PHRF1: variants seen among roughly 807,000 people sequenced by gnomAD.
PHRF1 encodes the protein PHD and ring finger domains 1.
In PHRF1, 53 loss-of-function variants were observed where a neutral mutation model predicts 128.9. The ratio of observed to expected loss-of-function variants is 0.41; its 90% CI spans 0.33 to 0.52. The LOEUF (loss-of-function observed/expected upper bound fraction) is 0.52. Among genes scored for constraint, PHRF1 ranks in the 20% least tolerant of loss-of-function variants. The pLI, the probability that PHRF1 is intolerant of heterozygous loss-of-function variation, is 0.21. For missense variants in PHRF1, 2,503 were observed against 2,284.5 expected (o/e 1.10, Z -1.95); for synonymous variants, 1,178 against 980.6 (o/e 1.20, Z -3.76).
intron 6 of PHRF1, among the ~76,000 whole-genome samples, chr11:593,515 G>A (rs1038725867): frequency 6.6e-5 from 10 of 152,240 alleles, no homozygotes. Context: ...GCTTTGACTC[G>A]TCCTTGAGCA....
rs374380394 is a variant in PHRF1 at position 608,729 on chromosome 11, G to A, written c.3273G>A (p.Ser1091=). The A allele has an allele frequency of 1.2e-5, 19 of 1,611,070 alleles. No individual in the cohort carries two copies. The highest frequency in any genetic ancestry group is 1.7e-4 in the Middle Eastern group (1 of 6,054). The change falls in exon 14 of 18, where the codon TCG becomes TCA. Residue 1091 remains serine (S), a synonymous_variant. Coordinates refer to ENST00000264555, the MANE Select transcript of PHRF1 (RefSeq NM_001286581.2). ...PWGHSRRTSR[S]RSGSPGSSSY... is the part of the protein sequence containing the mutation. ...GCCACAGCCGGAGGACGTCCCGGTC[G>A]CGGTCGGGGAGCCCTGGCAGCTCTT...
chr11:608,086 G>T lies in PHRF1; in HGVS notation c.2630G>T (p.Arg877Leu). Residue 877 changes from arginine (R) to leucine (L), a missense_variant, in exon 14 of 18, where the codon CGC becomes CTC. Transcript: ENST00000264555. ...AAGGCCCAGACGGTGCAGGCTGTGC[G>T]CTGCGTCACCTCCTACACGGTGGAG... ...SPKAQTVQAV[R>L]CVTSYTVESI... is the part of the protein sequence containing the mutation. 1 of 1,611,616 alleles carries T rather than the reference G, an allele frequency of 6.2e-7. No individual in the cohort carries two copies.
intron 10 of PHRF1, among the ~76,000 whole-genome samples, chr11:603,719 A>AT (rs1855773640): frequency 8.2e-6 from 1 of 122,370 alleles, no homozygotes; most frequent in African/African-American, 3.1e-5. Context: ...CTAAAACCAT[A>AT]TTTAAGTTTG....
At chr11:600,519 T>TAA (rs1855570237) in intron 9 of PHRF1, among the ~76,000 whole-genome samples, 1 of 134,860 alleles carries the variant, frequency 7.4e-6, no homozygotes, top group Admixed American at 7.5e-5. Flanking sequence ...TATATATATA[T>TAA]GGTTTATTTC....
chr11:598,180 C>G (rs1391945410), intron 8 of PHRF1, among the ~76,000 whole-genome samples, 193 bp from the exon 9 acceptor site: 1 of 152,208 alleles, frequency 6.6e-6, no homozygotes, highest in Non-Finnish European at 1.5e-5. Context: ...ACCCGCCTTG[C>G]CCCCGTGGGA....
At chr11:586,213 C>CT (rs1379254167) in intron 3 of PHRF1, among the ~76,000 whole-genome samples, 1 of 151,912 alleles carries the variant, frequency 6.6e-6, no homozygotes, top group Non-Finnish European at 1.5e-5. Flanking sequence ...AGGATGGTCT[C>CT]TATCTCCTGA....
Position 579,254 on chromosome 11 carries a change from C to CTCCCCGCAGCCCTGCTTT in PHRF1, c.-21-2233_-21-2232insGCAGCCCTGCTTTTCCCC, listed in dbSNP as rs1854068826. 3.3e-5 allele frequency among the ~76,000 whole-genome samples: 5 copies of CTCCCCGCAGCCCTGCTTT among 149,556 alleles called. No homozygotes were observed. The South Asian group carries it at 8.4e-4, about 25-fold the overall frequency. On this transcript the variant is annotated intron_variant, in intron 1 of 17. Transcript: ENST00000264555. ...CCTGCTCCTCCCCCCAGCCCTGCTC[C>CTCCCCGCAGCCCTGCTTT]TCCCCCCAGCCCTGCTCTGTTATCT... is the stretch of plus-strand genomic sequence containing the variant.
intron 10 of PHRF1, 144 bp downstream of exon 10, chr11:601,845 A>C (rs1163499866): frequency 9.1e-7 from 1 of 1,096,322 alleles, no homozygotes; most frequent in African/African-American, 1.6e-5. Context: ...GCTTTTCTGT[A>C]TTTACTCAGT....
At position 597,136 on chromosome 11, in the gene PHRF1, G is replaced by A; in HGVS notation, c.718+116G>A. Reference sequence around the variant, plus strand: ...GAGGACATCTAGGGCTGTCTCATGGGGGTTAGGGTTGGCTGCGGTGTCGGG... The same window carrying A: ...GAGGACATCTAGGGCTGTCTCATGGAGGTTAGGGTTGGCTGCGGTGTCGGG... On this transcript the variant is annotated intron_variant, in intron 7 of 17. Coordinates refer to ENST00000264555, the MANE Select transcript of PHRF1 (RefSeq NM_001286581.2). The surrounding 1 kb of genome is among the most constrained non-coding windows in gnomAD (Gnocchi z 6.5). 8 of 1,161,010 alleles carry A rather than the reference G, an allele frequency of 6.9e-6. No homozygotes were observed. The South Asian group carries it at 7.1e-5, about 10-fold the overall frequency. The allele number at this position is 1,161,010 out of a possible 1,614,324, so 71.9% of individuals were successfully genotyped here.
Position 611,742 on chromosome 11 carries a change from G to A in PHRF1, c.4915G>A (p.Gly1639Arg), listed in dbSNP as rs746564072. 22 of 1,611,752 alleles carry A rather than the reference G, an allele frequency of 1.4e-5. No homozygotes were observed. Among genetic ancestry groups the A allele is most frequent in the South Asian group, 3.3e-5 (3 of 90,986 alleles). The change falls in exon 18 of 18, where the codon GGG becomes AGG. Residue 1639 changes from glycine to arginine, a missense_variant. By Grantham distance (125) the Gly-to-Arg change is moderately radical. Coordinates refer to ENST00000264555, the MANE Select transcript of PHRF1 (RefSeq NM_001286581.2). Reference protein sequence around the residue: ...HMRRHKKPEAGEEPPTQGAEG With the variant: ...HMRRHKKPEAREEPPTQGAEG ...GCGCAGGCACAAGAAACCAGAGGCCGGGGAGGAGCCGCCCACGCAGGGGGC... is the reference window on the plus strand; with the variant it reads ...GCGCAGGCACAAGAAACCAGAGGCCAGGGAGGAGCCGCCCACGCAGGGGGC...
intron 4 of PHRF1, among the ~76,000 whole-genome samples, chr11:589,579 G>GA (rs1554904623): frequency 3.7e-3 from 89 of 23,792 alleles, no homozygotes; most frequent in East Asian, 0.037. Context: ...ACACTCGGGG[G>GA]GGCAGGAGGC....
intron 1 of PHRF1, among the ~76,000 whole-genome samples, chr11:578,680 C>G (rs1854030257): frequency 1.3e-5 from 2 of 152,200 alleles, no homozygotes; most frequent in Admixed American, 1.3e-4. Context: ...ATCTTTGCAC[C>G]TCAGACTCCC....
chr11:608,305 G>A lies in PHRF1; in HGVS notation c.2849G>A (p.Ser950Asn), dbSNP rs751101756. The change falls in exon 14 of 18, where the codon AGC becomes AAC. Residue 950 changes from serine to asparagine, a missense_variant. Transcript: ENST00000264555. ...PWDEEDGASC[S>N]TFFGSEERTV... ...GATGAGGAGGATGGGGCGTCTTGCA[G>A]CACCTTCTTTGGCTCTGAGGAGCGG... 18 of 1,609,440 alleles carry A rather than the reference G, an allele frequency of 1.1e-5. No homozygotes were observed. The highest frequency in any genetic ancestry group is 1.4e-5 in the Non-Finnish European group (17 of 1,179,026).
At chr11:576,879 C>T (rs1052461098) in intron 1 of PHRF1, among the ~76,000 whole-genome samples, 28 of 139,152 alleles carry the variant, frequency 2.0e-4, no homozygotes, top group Non-Finnish European at 3.2e-5. Context: ...CCCGCCGAGA[C>T]TGGGAGGCCC....
rs528886890 is a variant in PHRF1, at chr11:586,989, A to G, written c.215-270A>G. Among the ~76,000 whole-genome samples, 6 of 152,178 alleles carry G rather than the reference A, an allele frequency of 3.9e-5. 1 individual carries two copies. Among genetic ancestry groups the G allele is most frequent in the Non-Finnish European group, 8.8e-5 (6 of 68,008 alleles). On this transcript the variant is annotated intron_variant, in intron 3 of 17. Transcript: ENST00000264555. ...CGAGGTCTGCCTCAGCCCCAGGCTC[A>G]GCTTAGAGGAGCTGGTCTGGCACTC...
chr11:600,445 C>T (rs934107391), intron 9 of PHRF1, among the ~76,000 whole-genome samples: 1 of 146,038 alleles, frequency 6.8e-6, no homozygotes, highest in Admixed American at 6.8e-5. Context: ...TTTGAGATGG[C>T]GCCACTGCAG....
chr11:605,894 G>T (rs1470189110), intron 12 of PHRF1, among the ~76,000 whole-genome samples, 170 bp downstream of exon 12: 1 of 152,248 alleles, frequency 6.6e-6, no homozygotes, highest in Admixed American at 6.5e-5. Context: ...CAGTGCTGCA[G>T]CCCATCCTGT....
chr11:595,614 A>G (rs1855232151), intron 6 of PHRF1, among the ~76,000 whole-genome samples: 2 of 151,642 alleles, frequency 1.3e-5, no homozygotes, highest in African/African-American at 2.4e-5. Context: ...CTTGCAGCCA[A>G]TCTCCTCTTC....
In PHRF1 at chr11:597,125, C is replaced by A; in HGVS notation, c.718+105C>A. ...TGCTGTGTGGGGAGGACATCTAGGG[C>A]TGTCTCATGGGGGTTAGGGTTGGCT... On this transcript the variant is annotated intron_variant, in intron 7 of 17. Coordinates refer to ENST00000264555, the MANE Select transcript of PHRF1 (RefSeq NM_001286581.2). The surrounding 1 kb of genome is among the most constrained non-coding windows in gnomAD (Gnocchi z 6.5). 1 of 1,233,992 alleles carries A rather than the reference C, an allele frequency of 8.1e-7. No individual in the cohort carries two copies. The highest frequency in any genetic ancestry group is 1.1e-6 in the Non-Finnish European group (1 of 873,178). The allele number at this position is 1,233,992 out of a possible 1,614,324, so 76.4% of individuals were successfully genotyped here.
Sources: allele counts gnomAD v4.1 joint callset (sites outside exome capture counted in the v4.1 genomes callset), GRCh38; gene constraint gnomAD v4.1.1; non-coding constraint Gnocchi (gnomAD v3.1); transcripts MANE v1.5; gene names NCBI Gene and HGNC (gene_info 2026-07-23, HGNC 2026-07-21).